CHRM3: variants seen among roughly 807,000 people sequenced by gnomAD.
CHRM3 encodes the protein muscarinic acetylcholine receptor M3.
Under a neutral mutation model 41.8 loss-of-function variants are expected in CHRM3, and 11 were observed. The observed-to-expected ratio is 0.26, with a 90% CI of 0.17 to 0.44. The LOEUF (loss-of-function observed/expected upper bound fraction) is 0.44, where lower values mean the gene tolerates loss of function less well. Among genes scored for constraint, CHRM3 ranks in the 20% least tolerant of loss-of-function variants. The pLI is 1.00. For missense variants in CHRM3, 571 were observed against 745.4 expected (o/e 0.77, Z 2.72); for synonymous variants, 297 against 301.4 (o/e 0.99, Z 0.15).
chr1:239,566,695 G>A (rs1313809942), intron 3 of CHRM3, among the ~76,000 whole-genome samples: 1 of 152,066 alleles, frequency 6.6e-6, no homozygotes, highest in Non-Finnish European at 1.5e-5. Context: ...AAGTTTGGAG[G>A]GAATTTTGAG....
At position 239,767,997 on chromosome 1, in the gene CHRM3, T is replaced by C. The variant is rs145038036; in HGVS notation, c.-146-59255T>C. Among the ~76,000 whole-genome samples, 783 of 152,232 alleles carry C rather than the reference T, an allele frequency of 5.1e-3. 30 individuals carry two copies. The South Asian group carries it at 0.096, about 19-fold the overall frequency. The stretch of plus-strand genomic sequence containing the variant: ...ACTGGTCCATAGGTCACAGTTTGAA[T>C]AGCAATGTTCTAAAGAACAATAATT... On this transcript the variant is annotated intron_variant, in intron 5 of 6. Transcript: ENST00000676153.
intron 1 of CHRM3, among the ~76,000 whole-genome samples, chr1:239,473,344 A>G (rs1246073429): frequency 6.6e-6 from 1 of 152,074 alleles, no homozygotes; most frequent in African/African-American, 2.4e-5. Context: ...ACATATAACC[A>G]AACTAGATTG....
intron 5 of CHRM3, among the ~76,000 whole-genome samples, chr1:239,738,512 T>G (rs779758903): frequency 1.3e-5 from 2 of 152,056 alleles, no homozygotes; most frequent in South Asian, 4.2e-4. Flanking sequence ...AATGGGAGAA[T>G]AGAACACATT....
chr1:239,712,419 AT>A (rs1661899945), intron 5 of CHRM3, among the ~76,000 whole-genome samples: 1 of 152,016 alleles, frequency 6.6e-6, no homozygotes, highest in Middle Eastern at 3.2e-3. Flanking sequence ...AATAAGTGAA[AT>A]TTTTTTTGAA....
chr1:239,562,304 C>T (rs1660932690), intron 3 of CHRM3, among the ~76,000 whole-genome samples: 1 of 152,070 alleles, frequency 6.6e-6, no homozygotes, highest in African/African-American at 2.4e-5. Context: ...CGTGATCCCT[C>T]ATAACAACTT....
chr1:239,662,893 C>CTCTTCTTCTTCTTCTTCT (rs67465048), intron 4 of CHRM3, among the ~76,000 whole-genome samples: 1,149 of 46,384 alleles, frequency 0.025, 69 homozygotes, highest in African/African-American at 0.079. Context: ...CTTCCTCCTC[C>CTCTTCTTCTTCTTCTTCT]TCTTCTTCTT....
chr1:239,901,535 C>T (rs1572642654), intron 6 of CHRM3, among the ~76,000 whole-genome samples: 1 of 152,070 alleles, frequency 6.6e-6, no homozygotes, highest in Non-Finnish European at 1.5e-5. Context: ...CTGTATACAA[C>T]CTTTAGTATA....
At chr1:239,873,543 C>G (rs1354508014) in intron 6 of CHRM3, among the ~76,000 whole-genome samples, 1 of 151,620 alleles carries the variant, frequency 6.6e-6, no homozygotes, top group Non-Finnish European at 1.5e-5. Context: ...CTCCCTATGT[C>G]CATGTGTTCT....
At chr1:239,690,634 G>GA (rs930958300) in intron 5 of CHRM3, among the ~76,000 whole-genome samples, 23 of 150,214 alleles carry the variant, frequency 1.5e-4, no homozygotes, top group South Asian at 2.1e-4. Context: ...CTCATCTTAA[G>GA]AAAAAAAAAT....
chr1:239,596,643 A>G (rs1664813456), intron 3 of CHRM3, among the ~76,000 whole-genome samples: 1 of 152,194 alleles, frequency 6.6e-6, no homozygotes, highest in South Asian at 2.1e-4. Flanking sequence ...TTTAAATCAG[A>G]GAATGGACTC....
chr1:239,495,357 A>G (rs1275003711), intron 2 of CHRM3, among the ~76,000 whole-genome samples: 1 of 152,180 alleles, frequency 6.6e-6, no homozygotes, highest in Non-Finnish European at 1.5e-5. Flanking sequence ...GCAGGCTGGC[A>G]TGTGGACCTC....
intron 5 of CHRM3, among the ~76,000 whole-genome samples, chr1:239,779,850 G>A (rs553554996): frequency 3.9e-5 from 6 of 152,296 alleles, no homozygotes; most frequent in Admixed American, 3.3e-4. Flanking sequence ...CCATATATTT[G>A]CCTTTTCCAA....
At chr1:239,604,421 T>G (rs957348076) in intron 3 of CHRM3, among the ~76,000 whole-genome samples, 2 of 152,232 alleles carry the variant, frequency 1.3e-5, no homozygotes, top group African/African-American at 4.8e-5. Context: ...GATAAATTCT[T>G]GAGCACATTC....
intron 5 of CHRM3, among the ~76,000 whole-genome samples, chr1:239,823,119 TA>T (rs1463476821): frequency 2.6e-5 from 4 of 152,348 alleles, no homozygotes; most frequent in African/African-American, 9.6e-5. Flanking sequence ...TCCTCGCACA[TA>T]ACCTAATAAG....
At chr1:239,452,807 A>C (rs936847625) in intron 1 of CHRM3, among the ~76,000 whole-genome samples, 2 of 151,936 alleles carry the variant, frequency 1.3e-5, no homozygotes, top group Middle Eastern at 3.2e-3. Context: ...TTATTTTCTT[A>C]TTATTTTTTT....
At chr1:239,462,548 C>T (rs1362517540) in intron 1 of CHRM3, among the ~76,000 whole-genome samples, 2 of 152,138 alleles carry the variant, frequency 1.3e-5, no homozygotes, top group African/African-American at 4.8e-5. Flanking sequence ...CAGCTGCCTG[C>T]AGGGTACGTG....
At chr1:239,552,354 T>A (rs903391949) in intron 3 of CHRM3, among the ~76,000 whole-genome samples, 2 of 148,062 alleles carry the variant, frequency 1.4e-5, no homozygotes, top group South Asian at 2.1e-4. Context: ...ATTTTATATA[T>A]GTATAGATGA....
chr1:239,698,741 C>T (rs997506247), intron 5 of CHRM3, among the ~76,000 whole-genome samples: 5 of 152,092 alleles, frequency 3.3e-5, no homozygotes, highest in African/African-American at 9.7e-5. Flanking sequence ...GTTTAATAAA[C>T]GCTTACTGAG....
chr1:239,409,798 C>T (rs1274186521), intron 1 of CHRM3, among the ~76,000 whole-genome samples: 1 of 152,016 alleles, frequency 6.6e-6, no homozygotes, highest in Non-Finnish European at 1.5e-5. Context: ...AAAAATTACC[C>T]GGGCGTGGTT....
Sources: allele counts gnomAD v4.1 joint callset (sites outside exome capture counted in the v4.1 genomes callset), GRCh38; gene constraint gnomAD v4.1.1; transcripts MANE v1.5; gene names NCBI Gene and HGNC (gene_info 2026-07-23, HGNC 2026-07-21).